Variants in LFNG observed in about 807,000 individuals in gnomAD.
LFNG encodes the protein beta-1,3-N-acetylglucosaminyltransferase lunatic fringe.
A neutral mutation model predicts 32.7 loss-of-function variants in LFNG; 15 were observed. That is an observed-to-expected ratio of 0.46 (90% CI 0.31 to 0.71). The LOEUF (loss-of-function observed/expected upper bound fraction) is 0.71, where lower values mean the gene tolerates loss of function less well. Ranked by LOEUF, LFNG falls within the 30% of genes least tolerant of loss-of-function variation. The pLI, the probability that LFNG is intolerant of heterozygous loss-of-function variation, is 0.06. For synonymous variants in LFNG, 274 were observed against 246.8 expected, an observed-to-expected ratio of 1.11 and a Z score of -1.03; for missense variants, 520 against 545.7, an observed-to-expected ratio of 0.95 and a Z score of 0.47.
Position 2,528,129 on chromosome 7 carries a change from CAG to C in LFNG, c.*919_*920del. 1.0e-6 allele frequency: 1 copy of C among 985,456 alleles called. No individual in the cohort carries two copies. The highest frequency in any genetic ancestry group is 1.2e-6 in the Non-Finnish European group (1 of 829,894). 61.0% of individuals were successfully genotyped at this position (985,456 alleles called of 1,614,324 possible). On this transcript the variant is annotated 3_prime_UTR_variant, in exon 8 of 8. Transcript: ENST00000222725. Reference sequence around the variant, plus strand: ...TATCTTTTCTGTGGATCAGAAAAAACAGAAGCCAAACTCGGGGTCATCTTTGT... The same window carrying C: ...TATCTTTTCTGTGGATCAGAAAAAACAAGCCAAACTCGGGGTCATCTTTGT...
At chr7:2,528,965 G>A, downstream of LFNG, 1 of 491,136 alleles carries the variant, frequency 2.0e-6, no homozygotes, top group Non-Finnish European at 3.7e-6. Context: ...AGCCAGGCAG[G>A]CCGTGGGTCC....
intron 1 of LFNG, among the ~76,000 whole-genome samples, chr7:2,524,422 G>A (rs1226766404): frequency 2.0e-5 from 3 of 152,334 alleles, no homozygotes; most frequent in Non-Finnish European, 4.4e-5. Flanking sequence ...GCGCCTGGAC[G>A]ACCTTGGGTG....
At chr7:2,522,696 A>T (rs1779827733) in intron 1 of LFNG, among the ~76,000 whole-genome samples, 1 of 152,026 alleles carries the variant, frequency 6.6e-6, no homozygotes, top group Admixed American at 6.5e-5. Context: ...CTGGTCTAGC[A>T]CCGCCTCGGC....
At chr7:2,524,420 A>G (rs1289053864) in intron 1 of LFNG, among the ~76,000 whole-genome samples, 1 of 152,100 alleles carries the variant, frequency 6.6e-6, no homozygotes, top group African/African-American at 2.4e-5. Context: ...CCGCGCCTGG[A>G]CGACCTTGGG....
At chr7:2,522,795 G>A (rs1448882781) in intron 1 of LFNG, among the ~76,000 whole-genome samples, 1 of 152,226 alleles carries the variant, frequency 6.6e-6, no homozygotes, top group Non-Finnish European at 1.5e-5. Flanking sequence ...ACCCACCTCC[G>A]AGGGCTGTCA....
intron 1 of LFNG, among the ~76,000 whole-genome samples, chr7:2,523,204 C>G (rs1271657012): frequency 3.2e-4 from 49 of 152,246 alleles, no homozygotes; most frequent in Admixed American, 3.2e-3. Flanking sequence ...CCCTCCGCCT[C>G]CCACGGCATT....
Position 2,522,384 on chromosome 7 carries a change from G to A in LFNG, c.432+2091G>A, listed in dbSNP as rs1779816847. ...GGGTCGGTTGGTCAGCAGGGGCCGCGCTGAGATGGGCCTGGAGTCCAGGAT... is the reference window on the plus strand; with the variant it reads ...GGGTCGGTTGGTCAGCAGGGGCCGCACTGAGATGGGCCTGGAGTCCAGGAT... On this transcript the variant is annotated intron_variant, in intron 1 of 7. Transcript: ENST00000222725. Among the ~76,000 whole-genome samples the A allele has an allele frequency of 2.6e-5, 4 of 152,328 alleles. No individual in the cohort carries two copies. The South Asian group carries it at 6.2e-4, about 24-fold the overall frequency.
downstream of LFNG, chr7:2,528,799 G>T: frequency 7.8e-6 from 5 of 643,968 alleles, no homozygotes; most frequent in Admixed American, 1.3e-4. Flanking sequence ...TCCTGTGACC[G>T]GGCCTGGGGC....
Position 2,526,931 on chromosome 7 carries a change from C to T in LFNG, c.1073+10C>T. On this transcript the variant is annotated intron_variant, in intron 7 of 7. Coordinates refer to ENST00000222725, the MANE Select transcript of LFNG (RefSeq NM_001040167.2). This position sits in a 1 kb window ranked among gnomAD's most constrained non-coding sequence, Gnocchi z 6.9. The stretch of plus-strand genomic sequence containing the variant: ...AGGCCGACCCATCCAGGTAAGGAAA[C>T]CCCGGCCCAGATGGGCTTGCGTAGG... The T allele has an allele frequency of 6.2e-7, 1 of 1,611,808 alleles. No homozygotes were observed. The highest frequency in any genetic ancestry group is 8.5e-7 in the Non-Finnish European group (1 of 1,179,410).
upstream of LFNG, among the ~76,000 whole-genome samples, chr7:2,515,674 G>C (rs1192423375): frequency 6.6e-6 from 1 of 152,258 alleles, no homozygotes; most frequent in Admixed American, 6.5e-5. Flanking sequence ...AGGCAGCCTG[G>C]TGGGCAGGGC....
upstream of LFNG, chr7:2,513,222 TGGAA>T: frequency 6.2e-7 from 1 of 1,611,246 alleles, no homozygotes; most frequent in South Asian, 1.1e-5. Context: ...ATGAAATGGA[TGGAA>T]GGATGGACGG....
chr7:2,518,327 G>A (rs553529756), upstream of LFNG, among the ~76,000 whole-genome samples: 9 of 152,276 alleles, frequency 5.9e-5, no homozygotes, highest in East Asian at 1.9e-4. Context: ...ATCTGCTTTC[G>A]GAGGTGGTGA....
rs138443789 is a variant in LFNG at position 2,520,812 on chromosome 7, C to A, written c.432+519C>A. 3.3e-5 allele frequency among the ~76,000 whole-genome samples: 5 copies of A among 152,208 alleles called. No individual in the cohort carries two copies. Among genetic ancestry groups the A allele is most frequent in the African/African-American group, 1.2e-4 (5 of 41,512 alleles). Reference sequence around the variant, plus strand: ...GGTTGGTGGGTCCTGGGGAGTACATCTCAAAGAACTCCAGGTTTTGGGGTC... The same window carrying A: ...GGTTGGTGGGTCCTGGGGAGTACATATCAAAGAACTCCAGGTTTTGGGGTC... On this transcript the variant is annotated intron_variant, in intron 1 of 7. Transcript: ENST00000222725. This position sits in a 1 kb window ranked among gnomAD's most constrained non-coding sequence, Gnocchi z 5.0.
intron 2 of LFNG, 111 bp downstream of exon 2, chr7:2,524,854 G>A (rs2128376970): frequency 9.8e-7 from 1 of 1,022,772 alleles, no homozygotes; most frequent in Admixed American, 2.1e-5. Flanking sequence ...GGGCAGGACA[G>A]GGAGGGCAGT....
intron 1 of LFNG, chr7:2,523,468 G>A (rs1779849406): frequency 6.6e-6 from 1 of 152,512 alleles, no homozygotes; most frequent in East Asian, 1.9e-4. Context: ...GGAAACTGAG[G>A]CTGGGTGGGC....
At position 2,519,924 on chromosome 7, in the gene LFNG, G is replaced by T; in HGVS notation, c.63G>T (p.Leu21=). 1 of 1,069,540 alleles carries T rather than the reference G, an allele frequency of 9.3e-7. No homozygotes were observed. The highest frequency in any genetic ancestry group is 1.1e-6 in the Non-Finnish European group (1 of 882,304). 66.3% of individuals were successfully genotyped at this position (1,069,540 alleles called of 1,614,324 possible). A position where few individuals can be genotyped will look rare whatever the true frequency, so the allele number is the denominator to read the frequency against. ...TGGCGGGCGCGCTGCTCGCCTGCCT[G>T]CTGGTGCTCACCGCCGACCCGCCGC... ...LALAGALLAC[L]LVLTADPPPP... The change falls in exon 1 of 8, where the codon CTG becomes CTT. Residue 21 remains leucine, a synonymous_variant. Transcript: ENST00000222725.
upstream of LFNG, among the ~76,000 whole-genome samples, chr7:2,517,483 C>T (rs889282323): frequency 3.3e-5 from 5 of 152,188 alleles, no homozygotes; most frequent in African/African-American, 9.7e-5. Flanking sequence ...TACAATATCC[C>T]CCTTGCTTTC....
At chr7:2,519,754 C>A, upstream of LFNG, 1 of 606,642 alleles carries the variant, frequency 1.6e-6, no homozygotes, top group Non-Finnish European at 2.1e-6. Flanking sequence ...TTTAAGAGCG[C>A]GGGACACTGG....
At chr7:2,513,321 C>G (rs1195870981), upstream of LFNG, 1 of 1,601,726 alleles carries the variant, frequency 6.2e-7, no homozygotes, top group Middle Eastern at 1.7e-4. Context: ...GGTGGCCTCT[C>G]TCAGCAGGTG....
Sources: gnomAD v4.1 joint callset for allele counts (sites outside exome capture counted in the v4.1 genomes callset) on GRCh38, gnomAD v4.1.1 for gene constraint, Gnocchi (gnomAD v3.1) non-coding constraint, MANE v1.5 for transcripts, NCBI Gene and HGNC (gene_info 2026-07-23, HGNC 2026-07-21) for gene names.